MIB1: variants seen among roughly 807,000 people sequenced by gnomAD.
MIB1 encodes the protein MIB E3 ubiquitin protein ligase 1.
Under a neutral mutation model 124.5 loss-of-function variants are expected in MIB1, and 278 were observed. The observed-to-expected ratio is 2.23, with a 90% CI of 2.02 to 2.47. MIB1 has a LOEUF of 2.47. Ranked by LOEUF, MIB1 falls within the 30% of genes most tolerant of loss-of-function variation. The pLI is 0.00. For synonymous variants in MIB1, 446 were observed against 429.4 expected (o/e 1.04, Z -0.48); for missense variants, 957 against 1,254.4 (o/e 0.76, Z 3.58).
intron 1 of MIB1, among the ~76,000 whole-genome samples, chr18:21,730,333 G>A (rs1278342646): frequency 3.9e-5 from 6 of 152,214 alleles, no homozygotes; most frequent in African/African-American, 1.2e-4. Flanking sequence ...TCGGGAGGCC[G>A]AGGCGGGTGG....
chr18:21,777,271 T>C (rs993786762), intron 4 of MIB1, among the ~76,000 whole-genome samples: 1 of 151,748 alleles, frequency 6.6e-6, no homozygotes, highest in Non-Finnish European at 1.5e-5. Context: ...ATGCAAAAAT[T>C]AGCCAGGCGT....
chr18:21,856,621 A>C (rs2042231608), intron 18 of MIB1, among the ~76,000 whole-genome samples: 1 of 152,228 alleles, frequency 6.6e-6, no homozygotes, highest in South Asian at 2.1e-4. Flanking sequence ...GCAGGGCCTA[A>C]AACCTAGATG....
chr18:21,844,175 T>A lies in MIB1; in HGVS notation c.2133T>A (p.Thr711=). The A allele has an allele frequency of 6.2e-7, 1 of 1,614,142 alleles. No individual in the cohort carries two copies. Among genetic ancestry groups the A allele is most frequent in the South Asian group, 1.1e-5 (1 of 91,066 alleles). The change falls in exon 15 of 21, where the codon ACT becomes ACA. Residue 711 remains threonine, a synonymous_variant. Transcript: ENST00000261537. The part of the protein sequence containing the change: ...TPLHEALRHH[T]LSQLRQLQDM... ...TGCATGAAGCTCTAAGGCATCACAC[T>A]TTGTCTCAGCTACGTCAGCTCCAAG... is the stretch of plus-strand genomic sequence containing the variant.
intron 13 of MIB1, among the ~76,000 whole-genome samples, chr18:21,839,627 T>C (rs2042063898): frequency 6.6e-6 from 1 of 152,154 alleles, no homozygotes; most frequent in South Asian, 2.1e-4. Context: ...GCCTCCCAAG[T>C]AGCTGGGACT....
At chr18:21,817,045 A>G (rs377259682) in intron 11 of MIB1, among the ~76,000 whole-genome samples, 13 of 151,932 alleles carry the variant, frequency 8.6e-5, no homozygotes, top group African/African-American at 2.4e-4. Flanking sequence ...GGGTGTTCCA[A>G]TCATGTTAGA....
At chr18:21,845,153 G>T (rs1367336355) in intron 15 of MIB1, among the ~76,000 whole-genome samples, 2 of 152,044 alleles carry the variant, frequency 1.3e-5, no homozygotes, top group Non-Finnish European at 2.9e-5. Flanking sequence ...TGGGACTACA[G>T]GTGCATGCCA....
At chr18:21,735,698 A>G (rs2040793750) in intron 1 of MIB1, among the ~76,000 whole-genome samples, 1 of 152,200 alleles carries the variant, frequency 6.6e-6, no homozygotes, top group Non-Finnish European at 1.5e-5. Context: ...GGGGAGGGGC[A>G]TCCGCCATTG....
At chr18:21,830,029 A>G (rs2041963928) in intron 12 of MIB1, among the ~76,000 whole-genome samples, 1 of 152,124 alleles carries the variant, frequency 6.6e-6, no homozygotes, top group Non-Finnish European at 1.5e-5. Flanking sequence ...AGAAATTTTC[A>G]GATTTGTCAA....
intron 17 of MIB1, among the ~76,000 whole-genome samples, chr18:21,851,974 A>G (rs145796241): frequency 2.4e-4 from 36 of 152,368 alleles, no homozygotes; most frequent in African/African-American, 7.9e-4. Flanking sequence ...ATGCAATGGA[A>G]ATCATTTTAA....
rs1484882293 is a variant in MIB1 at position 21,869,718 on chromosome 18, G to A, written c.*5052G>A. 1 of 152,276 alleles carries A rather than the reference G, an allele frequency of 6.6e-6. No homozygotes were observed. Among genetic ancestry groups the A allele is most frequent in the Non-Finnish European group, 1.5e-5 (1 of 67,870 alleles). The allele number at this position is 152,276 out of a possible 1,614,324, so 9.4% of individuals were successfully genotyped here. On this transcript the variant is annotated 3_prime_UTR_variant, in exon 21 of 21. Transcript: ENST00000261537. ...AAGTAGCATCTGGGAAGAGGAGATC[G>A]AGGCCACAGTTTGCTATTTTAGTAT... is the stretch of plus-strand genomic sequence containing the variant.
At chr18:21,822,882 T>C (rs2041891547) in intron 12 of MIB1, among the ~76,000 whole-genome samples, 2 of 152,082 alleles carry the variant, frequency 1.3e-5, no homozygotes, top group South Asian at 4.1e-4. Context: ...GGAGGATTGC[T>C]TGAAGCCAGG....
At chr18:21,842,631 G>A (rs2042101675) in intron 13 of MIB1, among the ~76,000 whole-genome samples, 2 of 152,108 alleles carry the variant, frequency 1.3e-5, no homozygotes, top group Admixed American at 6.5e-5. Flanking sequence ...TTTTATGTAC[G>A]AATTAAGCAT....
At chr18:21,820,893 A>T (rs2041872019) in intron 12 of MIB1, among the ~76,000 whole-genome samples, 1 of 152,226 alleles carries the variant, frequency 6.6e-6, no homozygotes. Flanking sequence ...TAGAATCATA[A>T]CTGTTAAACC....
rs372899300 is a variant in MIB1 at position 21,823,273 on chromosome 18, G to T, written c.1829+3627G>T. 9.3e-5 allele frequency among the ~76,000 whole-genome samples: 14 copies of T among 149,952 alleles called. 1 individual carries two copies. The South Asian group carries it at 3.0e-3, about 32-fold the overall frequency. On this transcript the variant is annotated intron_variant, in intron 12 of 20. Coordinates refer to ENST00000261537, the MANE Select transcript of MIB1 (RefSeq NM_020774.4). ...AGAATCAGCTGGGTGTGGCATCACAGACTTTTAGTCTCAGCTACTTGGGAG... is the reference window on the plus strand; with the variant it reads ...AGAATCAGCTGGGTGTGGCATCACATACTTTTAGTCTCAGCTACTTGGGAG...
In MIB1 at chr18:21,724,723, AAAAAATATATATATATATATAT is replaced by A. The variant is rs1363295245; in HGVS notation, n.167+19602_167+19623del. Among the ~76,000 whole-genome samples, 13 of 53,856 alleles carry A rather than the reference AAAAAATATATATATATATATAT, an allele frequency of 2.4e-4. 1 individual carries two copies. The highest frequency in any genetic ancestry group is 1.3e-3 in the South Asian group (2 of 1,538). 35.3% of individuals were successfully genotyped at this position (53,856 alleles called of 152,430 possible). On this transcript the variant is annotated intron_variant and non_coding_transcript_variant, in intron 1 of 20. Coordinates refer to the MIB1 transcript ENST00000578646. Reference sequence around the variant, plus strand: ...CTGTCTCCCCCATCCAAAAAAAAAAAAAAAATATATATATATATATATATATATATATATATATATATATATA... The same window carrying A: ...CTGTCTCCCCCATCCAAAAAAAAAAAATATATATATATATATATATATATA...
intron 2 of MIB1, among the ~76,000 whole-genome samples, chr18:21,767,379 C>T (rs1464176841): frequency 6.6e-6 from 1 of 152,082 alleles, no homozygotes; most frequent in African/African-American, 2.4e-5. Context: ...TGAGAACTCA[C>T]TATCAAGAGA....
Position 21,849,203 on chromosome 18 carries a change from G to A in MIB1, c.2401G>A (p.Val801Met). The A allele has an allele frequency of 1.3e-6, 2 of 1,551,762 alleles. No individual in the cohort carries two copies. The highest frequency in any genetic ancestry group is 2.0e-5 in the Admixed American group (1 of 50,376). ...AATACTTTCTTTTATTAGTGGTCAAGTGGGTTCTCGGAGTCCTTCTATGAT... is the reference window on the plus strand; with the variant it reads ...AATACTTTCTTTTATTAGTGGTCAAATGGGTTCTCGGAGTCCTTCTATGAT... ...KCHKEKVSGQ[V>M]GSRSPSMISN... The change falls in exon 17 of 21, where the codon GTG (valine) becomes ATG (methionine). Residue 801 changes from valine to methionine, a missense_variant. Val to Met is a conservative substitution (Grantham distance 21). Coordinates refer to ENST00000261537, the MANE Select transcript of MIB1 (RefSeq NM_020774.4).
intron 10 of MIB1, among the ~76,000 whole-genome samples, chr18:21,805,699 C>T (rs1260519804): frequency 2.3e-5 from 3 of 130,784 alleles, no homozygotes; most frequent in Non-Finnish European, 3.2e-5. Context: ...GCTGAAAAAC[C>T]ACATTTCTTT....
chr18:21,815,542 G>C, intron 10 of MIB1, 74 bp from the exon 11 acceptor site: 1 of 1,283,292 alleles, frequency 7.8e-7, no homozygotes. Context: ...CTGCTTCTTG[G>C]TATATTATTA....
Sources: allele counts gnomAD v4.1 joint callset (sites outside exome capture counted in the v4.1 genomes callset), GRCh38; gene constraint gnomAD v4.1.1; transcripts MANE v1.5; gene names NCBI Gene and HGNC (gene_info 2026-07-23, HGNC 2026-07-21).